Variants in BABAM1 observed in about 807,000 individuals in gnomAD.
BABAM1 encodes BRISC and BRCA1-A complex member 1.
A neutral mutation model predicts 34.4 loss-of-function variants in BABAM1; 14 were observed. That is an observed-to-expected ratio of 0.41 (90% CI 0.27 to 0.64). The LOEUF (loss-of-function observed/expected upper bound fraction) is 0.64. Ranked by LOEUF, BABAM1 falls within the 30% of genes least tolerant of loss-of-function variation. BABAM1 has a pLI of 0.34. For missense variants in BABAM1, 393 were observed against 434.0 expected, an observed-to-expected ratio of 0.91 and a Z score of 0.84; for synonymous variants, 169 against 165.8, an observed-to-expected ratio of 1.02 and a Z score of -0.15.
intron 8 of BABAM1, among the ~76,000 whole-genome samples, chr19:17,278,613 C>T (rs1311877453): frequency 6.6e-6 from 1 of 152,170 alleles, no homozygotes; most frequent in Non-Finnish European, 1.5e-5. Flanking sequence ...CCGGCCCACA[C>T]TGGGGACTCT....
intron 2 of BABAM1, among the ~76,000 whole-genome samples, chr19:17,270,362 C>A (rs144149413): frequency 1.6e-3 from 242 of 151,206 alleles, no homozygotes; most frequent in African/African-American, 5.7e-3. Context: ...TTGCCTAATT[C>A]TGTCCAGTCC....
chr19:17,278,421 G>C (rs1419815643), intron 8 of BABAM1, among the ~76,000 whole-genome samples: 1 of 151,136 alleles, frequency 6.6e-6, no homozygotes, highest in Non-Finnish European at 1.5e-5. Flanking sequence ...CCATTCTCCT[G>C]CCTCAGCCTC....
chr19:17,272,351 G>A (rs1283287808), intron 3 of BABAM1, among the ~76,000 whole-genome samples: 1 of 152,102 alleles, frequency 6.6e-6, no homozygotes, highest in East Asian at 1.9e-4. Flanking sequence ...GCTGCAGTGA[G>A]CTATGATTTT....
chr19:17,272,513 C>T (rs2073853442), intron 3 of BABAM1, among the ~76,000 whole-genome samples: 1 of 151,664 alleles, frequency 6.6e-6, no homozygotes, highest in African/African-American at 2.4e-5. Context: ...TCATGCCATT[C>T]TCCTGCCTCA....
chr19:17,271,743 C>T, intron 3 of BABAM1, 88 bp downstream of exon 3: 3 of 1,446,882 alleles, frequency 2.1e-6, no homozygotes, highest in Non-Finnish European at 2.9e-6. Flanking sequence ...CTGAAACTCA[C>T]ACCAGCTTGG....
intron 5 of BABAM1, among the ~76,000 whole-genome samples, chr19:17,274,807 G>A (rs1051446646): frequency 2.0e-5 from 3 of 152,288 alleles, no homozygotes; most frequent in African/African-American, 4.8e-5. Flanking sequence ...TAGGACTCTC[G>A]TAAGTTAAAA....
intron 3 of BABAM1, among the ~76,000 whole-genome samples, chr19:17,272,413 GT>G (rs1213131487): frequency 2.0e-4 from 29 of 143,124 alleles, no homozygotes; most frequent in Admixed American, 7.0e-5. Flanking sequence ...CCTTTTTTTT[GT>G]TTTTTTTTTG....
At chr19:17,274,342 C>T (rs982281414) in intron 5 of BABAM1, 157 bp downstream of exon 5, 4 of 927,264 alleles carry the variant, frequency 4.3e-6, no homozygotes, top group African/African-American at 1.7e-5. Flanking sequence ...TCAGTTTCCC[C>T]ATCTGTACTG....
At chr19:17,271,062 C>T (rs2073835536) in intron 2 of BABAM1, among the ~76,000 whole-genome samples, 1 of 151,098 alleles carries the variant, frequency 6.6e-6, no homozygotes, top group Admixed American at 6.6e-5. Flanking sequence ...AATCAGGGCT[C>T]ACTGCAACCT....
intron 8 of BABAM1, 31 bp from the exon 9 acceptor site, chr19:17,278,814 A>G (rs1388988631): frequency 1.3e-6 from 2 of 1,587,066 alleles, no homozygotes; most frequent in Non-Finnish European, 1.7e-6. Context: ...CTGCCTGAAC[A>G]GCCCTTCACT....
intron 7 of BABAM1, 75 bp downstream of exon 7, chr19:17,276,699 A>G (rs750588177): frequency 7.7e-6 from 12 of 1,560,670 alleles, no homozygotes; most frequent in African/African-American, 1.4e-5. Flanking sequence ...GGGACTTCCA[A>G]CCACAGAGGC....
intron 5 of BABAM1, chr19:17,274,495 G>A: frequency 2.8e-6 from 1 of 352,554 alleles, no homozygotes; most frequent in Non-Finnish European, 5.3e-6. Flanking sequence ...TTGAGTCCGG[G>A]AGGCGGAGGT....
intron 8 of BABAM1, among the ~76,000 whole-genome samples, chr19:17,278,161 G>T (rs951151398): frequency 6.6e-6 from 1 of 151,390 alleles, no homozygotes; most frequent in Non-Finnish European, 1.5e-5. Flanking sequence ...GAACAACAGC[G>T]AAACCCTGTC....
Position 17,268,879 on chromosome 19 carries a change from C to CCCCGCACTCGCT in BABAM1, c.76_87dup (p.Arg26_Ser29dup). On this transcript the variant is annotated inframe_insertion, in exon 2 of 9. Transcript: ENST00000598188. ...AGAGGAGCACTCGGCAGAGCCTCGGCCCCGCACTCGCTCCAATCCTGAAGG... is the reference window on the plus strand; with the variant it reads ...AGAGGAGCACTCGGCAGAGCCTCGGCCCCGCACTCGCTCCCGCACTCGCTCCAATCCTGAAGG... 1 of 1,598,442 alleles carries CCCCGCACTCGCT rather than the reference C, an allele frequency of 6.3e-7. No homozygotes were observed. The highest frequency in any genetic ancestry group is 2.3e-5 in the East Asian group (1 of 44,090).
At chr19:17,270,210 C>T (rs192297748) in intron 2 of BABAM1, among the ~76,000 whole-genome samples, 67 of 151,908 alleles carry the variant, frequency 4.4e-4, no homozygotes, top group African/African-American at 1.4e-3. Context: ...GGATTACAGG[C>T]GTGAGCCACC....
At chr19:17,278,395 G>A (rs1007687017) in intron 8 of BABAM1, among the ~76,000 whole-genome samples, 5 of 147,240 alleles carry the variant, frequency 3.4e-5, no homozygotes, top group Admixed American at 6.8e-5. Flanking sequence ...TGCCAGCTCC[G>A]CCTCCCGGGT....
At position 17,279,169 on chromosome 19, in the gene BABAM1, C is replaced by T. The variant is rs1161075893; in HGVS notation, c.*121C>T. The T allele has an allele frequency of 2.4e-5, 25 of 1,039,508 alleles. No individual in the cohort carries two copies. In the East Asian group the frequency reaches 5.5e-4, roughly 23 times the overall value. The allele number at this position is 1,039,508 out of a possible 1,614,324, so 64.4% of individuals were successfully genotyped here. A position where few individuals can be genotyped will look rare whatever the true frequency, so the allele number is the denominator to read the frequency against. ...GGGTTCCAGGAGGCACGTAGGGTACCTTGCAGGGTCCTAGGAGGGAAACCC... is the reference window on the plus strand; with the variant it reads ...GGGTTCCAGGAGGCACGTAGGGTACTTTGCAGGGTCCTAGGAGGGAAACCC... On this transcript the variant is annotated 3_prime_UTR_variant, in exon 9 of 9. Transcript: ENST00000598188.
At chr19:17,272,538 G>C (rs978796123) in intron 3 of BABAM1, among the ~76,000 whole-genome samples, 4 of 151,732 alleles carry the variant, frequency 2.6e-5, no homozygotes, top group Non-Finnish European at 4.4e-5. Context: ...CCGAGTAGCT[G>C]GGACTACAGG....
chr19:17,278,388 C>A (rs1282946356), intron 8 of BABAM1, among the ~76,000 whole-genome samples: 3 of 150,694 alleles, frequency 2.0e-5, no homozygotes, highest in African/African-American at 2.4e-5. Flanking sequence ...GGCTCACTGC[C>A]AGCTCCGCCT....
Sources: gnomAD v4.1 joint callset for allele counts (sites outside exome capture counted in the v4.1 genomes callset) on GRCh38, gnomAD v4.1.1 for gene constraint, MANE v1.5 for transcripts, NCBI Gene and HGNC (gene_info 2026-07-23, HGNC 2026-07-21) for gene names.